Variants in PLXDC2 observed in about 807,000 individuals in gnomAD.
PLXDC2 encodes the protein plexin domain containing 2, also known as plexin domain-containing protein 2.
In PLXDC2, 40 loss-of-function variants were observed where a neutral mutation model predicts 68.9. That is an observed-to-expected ratio of 0.58 (90% CI 0.45 to 0.76). The LOEUF (loss-of-function observed/expected upper bound fraction) is 0.76, where lower values mean the gene tolerates loss of function less well. PLXDC2 is among the 30% of genes least tolerant of loss of function. PLXDC2 has a pLI of 0.00. For missense variants in PLXDC2, 644 were observed against 661.9 expected, an observed-to-expected ratio of 0.97 and a Z score of 0.30; for synonymous variants, 243 against 234.2, an observed-to-expected ratio of 1.04 and a Z score of -0.34.
intron 4 of PLXDC2, 40 bp from the exon 5 acceptor site, chr10:20,143,255 C>T (rs1484571822): frequency 3.8e-6 from 6 of 1,563,840 alleles, no homozygotes; most frequent in Middle Eastern, 2.1e-4. Context: ...TTTATATGGG[C>T]TTCTTTTTCT....
At chr10:20,197,772 G>A (rs976398915) in intron 9 of PLXDC2, among the ~76,000 whole-genome samples, 1 of 151,610 alleles carries the variant, frequency 6.6e-6, no homozygotes, top group African/African-American at 2.4e-5. Flanking sequence ...AACTCTCCCC[G>A]CTCAGCCTCC....
intron 1 of PLXDC2, among the ~76,000 whole-genome samples, chr10:19,869,645 A>AT (rs2131341729): frequency 6.6e-6 from 1 of 152,252 alleles, no homozygotes; most frequent in South Asian, 2.1e-4. Flanking sequence ...TTAATGTTAC[A>AT]TTTAAACATT....
intron 1 of PLXDC2, among the ~76,000 whole-genome samples, chr10:19,952,434 T>C (rs1834005214): frequency 6.6e-6 from 1 of 152,204 alleles, no homozygotes; most frequent in Admixed American, 6.5e-5. Flanking sequence ...TCATTCAACC[T>C]TAATTGAATA....
intron 12 of PLXDC2, among the ~76,000 whole-genome samples, chr10:20,240,899 A>G (rs1449978455): frequency 6.6e-6 from 1 of 152,182 alleles, no homozygotes; most frequent in Non-Finnish European, 1.5e-5. Context: ...TTTTCCTTAA[A>G]TGACTTGCTC....
At chr10:19,910,397 C>A (rs560162717) in intron 1 of PLXDC2, among the ~76,000 whole-genome samples, 1 of 151,680 alleles carries the variant, frequency 6.6e-6, no homozygotes, top group Admixed American at 6.6e-5. Context: ...ATCTTCACAA[C>A]TCAATAAAGT....
intron 1 of PLXDC2, among the ~76,000 whole-genome samples, chr10:19,836,871 C>T (rs547481788): frequency 1.2e-4 from 19 of 152,026 alleles, no homozygotes; most frequent in Non-Finnish European, 2.2e-4. Context: ...ATGGCTCTTG[C>T]GAAGATGAAT....
At chr10:19,986,926 T>C (rs1834651271) in intron 1 of PLXDC2, among the ~76,000 whole-genome samples, 1 of 152,238 alleles carries the variant, frequency 6.6e-6, no homozygotes. Context: ...TTTCTGTGCA[T>C]GAACACTGGA....
intron 2 of PLXDC2, among the ~76,000 whole-genome samples, chr10:20,023,835 C>T (rs1835353573): frequency 6.6e-6 from 1 of 152,088 alleles, no homozygotes; most frequent in Admixed American, 6.6e-5. Context: ...GTATCTGCTG[C>T]ATTTAAGATG....
At chr10:19,969,618 G>A (rs1007684685) in intron 1 of PLXDC2, among the ~76,000 whole-genome samples, 2 of 152,190 alleles carry the variant, frequency 1.3e-5, no homozygotes, top group African/African-American at 2.4e-5. Context: ...GGGGAAAAAC[G>A]AATAGCTTAG....
chr10:20,065,792 G>C (rs1836198959), intron 3 of PLXDC2, among the ~76,000 whole-genome samples: 1 of 152,210 alleles, frequency 6.6e-6, no homozygotes, highest in South Asian at 2.1e-4. Flanking sequence ...TGCCAGTGCT[G>C]ATCTGACAGG....
At chr10:20,082,765 AAC>A (rs1297116791) in intron 4 of PLXDC2, among the ~76,000 whole-genome samples, 3 of 152,190 alleles carry the variant, frequency 2.0e-5, no homozygotes, top group Admixed American at 1.3e-4. Flanking sequence ...AAAGACTGAA[AAC>A]CACCTAACGC....
intron 4 of PLXDC2, among the ~76,000 whole-genome samples, chr10:20,136,445 C>T (rs1343020661): frequency 6.6e-6 from 1 of 152,166 alleles, no homozygotes; most frequent in Admixed American, 6.5e-5. Flanking sequence ...TTGAATTGTT[C>T]TGAGACCTCA....
Position 19,816,963 on chromosome 10 carries a change from C to T in PLXDC2, c.-117C>T. 1 of 700,140 alleles carries T rather than the reference C, an allele frequency of 1.4e-6. No individual in the cohort carries two copies. The highest frequency in any genetic ancestry group is 1.8e-5 in the South Asian group (1 of 55,666). 43.4% of individuals were successfully genotyped at this position (700,140 alleles called of 1,614,324 possible). A position where few individuals can be genotyped will look rare whatever the true frequency, so the allele number is the denominator to read the frequency against. On this transcript the variant is annotated 5_prime_UTR_variant, in exon 1 of 14. Coordinates refer to ENST00000377252, the MANE Select transcript of PLXDC2 (RefSeq NM_032812.9). Reference sequence around the variant, plus strand: ...AAATCGCAGCGACATTTACAAAGGCCTCCGGGTCCTACCGAGACCGATCCG... The same window carrying T: ...AAATCGCAGCGACATTTACAAAGGCTTCCGGGTCCTACCGAGACCGATCCG...
At position 20,274,686 on chromosome 10, in the gene PLXDC2, G is replaced by A. The variant is rs1379693785; in HGVS notation, c.1474-5017G>A. Among the ~76,000 whole-genome samples the A allele has an allele frequency of 4.6e-5, 7 of 152,212 alleles. No homozygotes were observed. In the South Asian group the frequency reaches 1.5e-3, roughly 32 times the overall value. ...CACCAGAAGACCAACAGATCAATTT[G>A]AGTTACTCTTTTTAAGGAAAAAGTG... On this transcript the variant is annotated intron_variant, in intron 13 of 13. Coordinates refer to ENST00000377252, the MANE Select transcript of PLXDC2 (RefSeq NM_032812.9).
intron 1 of PLXDC2, among the ~76,000 whole-genome samples, chr10:19,977,448 C>T (rs1183046081): frequency 6.6e-6 from 1 of 152,102 alleles, no homozygotes; most frequent in East Asian, 1.9e-4. Context: ...TCTAGGAGGC[C>T]ACTGGGGGAG....
chr10:20,019,834 C>T (rs910904472), intron 2 of PLXDC2, among the ~76,000 whole-genome samples: 17 of 151,998 alleles, frequency 1.1e-4, no homozygotes, highest in African/African-American at 4.1e-4. Flanking sequence ...ACTAAGCTGC[C>T]ATGGCAGCAC....
At chr10:19,966,460 T>TAAAAAATATATAA (rs1834265457) in intron 1 of PLXDC2, among the ~76,000 whole-genome samples, 1 of 16,466 alleles carries the variant, frequency 6.1e-5, no homozygotes. Context: ...TGTGTGTATA[T>TAAAAAATATATAA]GTACACACAT....
intron 1 of PLXDC2, among the ~76,000 whole-genome samples, chr10:19,891,668 G>A (rs555992264): frequency 6.6e-6 from 1 of 152,278 alleles, no homozygotes; most frequent in East Asian, 1.9e-4. Flanking sequence ...TGGGAGGTCG[G>A]TAACCTCTGG....
chr10:20,101,274 G>T (rs1589629571), intron 4 of PLXDC2, among the ~76,000 whole-genome samples: 1 of 152,286 alleles, frequency 6.6e-6, no homozygotes, highest in South Asian at 2.1e-4. Context: ...TTATCAGAAA[G>T]TTTGTGTTGA....
Sources: allele counts gnomAD v4.1 joint callset (sites outside exome capture counted in the v4.1 genomes callset), GRCh38; gene constraint gnomAD v4.1.1; transcripts MANE v1.5; gene names NCBI Gene and HGNC (gene_info 2026-07-23, HGNC 2026-07-21).